Variants in CWF19L1 observed in about 807,000 individuals in gnomAD.
The protein encoded by CWF19L1 is CWF19-like protein 1.
A neutral mutation model predicts 69.7 loss-of-function variants in CWF19L1; 60 were observed. The observed-to-expected ratio is 0.86, with a 90% confidence interval of 0.70 to 1.07. The LOEUF (loss-of-function observed/expected upper bound fraction) is 1.07. Ranked by LOEUF, CWF19L1 falls within the 50% of genes least tolerant of loss-of-function variation. CWF19L1 has a pLI of 0.00. For synonymous variants in CWF19L1, 209 were observed against 222.2 expected (o/e 0.94, Z 0.53); for missense variants, 591 against 638.9 (o/e 0.92, Z 0.81).
chr10:100,246,752 A>G lies in CWF19L1; in HGVS notation c.849+43T>C. The G allele has an allele frequency of 3.2e-6, 5 of 1,565,808 alleles. No individual in the cohort carries two copies. In the East Asian group the frequency reaches 1.1e-4, roughly 36 times the overall value. On this transcript the variant is annotated intron_variant, in intron 8 of 13. Coordinates refer to ENST00000354105, the MANE Select transcript of CWF19L1 (RefSeq NM_018294.6). Reference sequence around the variant, plus strand: ...TCTTATGTACTAAACTATAACTAGGAAAAGAACACATATAAAAATGCCAAC... The same window carrying G: ...TCTTATGTACTAAACTATAACTAGGGAAAGAACACATATAAAAATGCCAAC...
At chr10:100,236,529 C>T (rs7905395) in intron 12 of CWF19L1, among the ~76,000 whole-genome samples, 77,573 of 151,658 alleles carry the variant, frequency 0.51, 20,629 homozygotes, top group African/African-American at 0.65. Flanking sequence ...GTAATACCTT[C>T]GGGAGGCCAA....
intron 6 of CWF19L1, among the ~76,000 whole-genome samples, chr10:100,252,321 G>A (rs76995884): frequency 0.075 from 11,385 of 152,026 alleles, 577 homozygotes; most frequent in African/African-American, 0.14. Flanking sequence ...TGTAGTCCCA[G>A]CTACTCAGGA....
rs139716379 is a variant in CWF19L1, at chr10:100,239,401, G to A, written c.1045-1170C>T. Among the ~76,000 whole-genome samples, 40 of 152,300 alleles carry A rather than the reference G, an allele frequency of 2.6e-4. 1 individual carries two copies. In the East Asian group the frequency reaches 7.7e-3, roughly 29 times the overall value. Reference sequence around the variant, plus strand: ...CATGACTGTAATCCCAGCACTTTGGGAGGCCAAGGCAAATGGATCGCGAGG... The same window carrying A: ...CATGACTGTAATCCCAGCACTTTGGAAGGCCAAGGCAAATGGATCGCGAGG... On this transcript the variant is annotated intron_variant, in intron 10 of 13. Transcript: ENST00000354105.
intron 7 of CWF19L1, chr10:100,248,166 T>C (rs994774493): frequency 5.0e-6 from 3 of 597,324 alleles, no homozygotes; most frequent in Non-Finnish European, 9.1e-6. Context: ...AATCTACATT[T>C]GCTAAGAATT....
At chr10:100,234,257 A>AT (rs2134270086) in intron 13 of CWF19L1, among the ~76,000 whole-genome samples, 1 of 152,350 alleles carries the variant, frequency 6.6e-6, no homozygotes, top group South Asian at 2.1e-4. Context: ...TTTCAAATAT[A>AT]AAAGGAAAAT....
chr10:100,261,476 A>C (rs551928533), intron 2 of CWF19L1, among the ~76,000 whole-genome samples: 2 of 152,260 alleles, frequency 1.3e-5, no homozygotes, highest in Non-Finnish European at 2.9e-5. Flanking sequence ...GGTATAAAAA[A>C]CACATTTCCT....
intron 6 of CWF19L1, among the ~76,000 whole-genome samples, chr10:100,252,473 C>T (rs569239083): frequency 2.2e-4 from 33 of 151,618 alleles, no homozygotes; most frequent in Admixed American, 1.6e-3. Flanking sequence ...TACTATGCTA[C>T]TATGTACCCC....
intron 3 of CWF19L1, 136 bp from the exon 4 acceptor site, chr10:100,260,455 C>T (rs552734551): frequency 4.7e-5 from 26 of 553,468 alleles, no homozygotes; most frequent in East Asian, 3.7e-4. Context: ...TTTAGCAATC[C>T]TAAATGTGGA....
At chr10:100,245,261 T>C (rs1479222929) in intron 9 of CWF19L1, among the ~76,000 whole-genome samples, 1 of 152,106 alleles carries the variant, frequency 6.6e-6, no homozygotes, top group Non-Finnish European at 1.5e-5. Flanking sequence ...GAACTTGTGA[T>C]CCGCCTGGCT....
At chr10:100,234,926 A>C (rs1321096792) in intron 13 of CWF19L1, among the ~76,000 whole-genome samples, 1 of 152,210 alleles carries the variant, frequency 6.6e-6, no homozygotes, top group African/African-American at 2.4e-5. Flanking sequence ...TTGAGGTCCA[A>C]CAGGCCTGGG....
At chr10:100,264,751 G>C (rs1038733288) in intron 1 of CWF19L1, among the ~76,000 whole-genome samples, 1 of 152,060 alleles carries the variant, frequency 6.6e-6, no homozygotes, top group African/African-American at 2.4e-5. Context: ...ACAAGATATG[G>C]AGGTGAACAG....
At chr10:100,264,824 A>C (rs1423350844) in intron 1 of CWF19L1, among the ~76,000 whole-genome samples, 1 of 151,814 alleles carries the variant, frequency 6.6e-6, no homozygotes, top group African/African-American at 2.4e-5. Context: ...TTAGTTTGCA[A>C]CAAAACAAGT....
Position 100,238,121 on chromosome 10 carries a change from C to T in CWF19L1, c.1155G>A (p.Val385=). 6.2e-7 allele frequency: 1 copy of T among 1,614,146 alleles called. No individual in the cohort carries two copies. Among genetic ancestry groups the T allele is most frequent in the Non-Finnish European group, 8.5e-7 (1 of 1,180,026 alleles). The change falls in exon 11 of 14, where the codon GTG becomes GTA. Residue 385 remains valine, a synonymous_variant. Coordinates refer to ENST00000354105, the MANE Select transcript of CWF19L1 (RefSeq NM_018294.6). ...GTCTCAGAGTGGCCTTATACTTCTC[C>T]ACCTCTTCTACCACCTCTGCTGAAA... ...VELSAEVVEE[V]EKYKATLRRF...
At chr10:100,264,288 G>A (rs1436326045) in intron 1 of CWF19L1, among the ~76,000 whole-genome samples, 1 of 152,228 alleles carries the variant, frequency 6.6e-6, no homozygotes, top group East Asian at 1.9e-4. Flanking sequence ...GCTTACGCCT[G>A]TAATCCCAGC....
intron 6 of CWF19L1, among the ~76,000 whole-genome samples, chr10:100,250,940 CTT>C (rs1352124877): frequency 1.4e-5 from 2 of 145,960 alleles, no homozygotes; most frequent in Non-Finnish European, 3.0e-5. Context: ...AGAATGAGAT[CTT>C]GTCTCAAAAA....
chr10:100,245,888 A>C lies in CWF19L1; in HGVS notation c.875T>G (p.Phe292Cys), dbSNP rs1396396028. ...CCTTCCCTGCTTTTCATTTAAATCA[A>C]AGAAAAACTGACAGGCTGATTCTTC... ...PVEESACQFFFDLNEKQGRKR... is the reference protein window; with the variant it reads ...PVEESACQFFCDLNEKQGRKR... The change falls in exon 9 of 14, where the codon TTT (phenylalanine) becomes TGT (cysteine). Residue 292 changes from phenylalanine (F) to cysteine (C), a missense_variant. Coordinates refer to ENST00000354105, the MANE Select transcript of CWF19L1 (RefSeq NM_018294.6). 1.9e-6 allele frequency: 3 copies of C among 1,613,996 alleles called. No homozygotes were observed. The African/African-American group carries it at 4.0e-5, about 22-fold the overall frequency.
At chr10:100,245,705 C>A in intron 9 of CWF19L1, 94 bp downstream of exon 9, 1 of 875,184 alleles carries the variant, frequency 1.1e-6, no homozygotes, top group Non-Finnish European at 1.9e-6. Context: ...TCTCCCCTGC[C>A]AGAAGAGGCT....
intron 1 of CWF19L1, among the ~76,000 whole-genome samples, chr10:100,265,025 G>A (rs1365052804): frequency 6.6e-6 from 1 of 151,922 alleles, no homozygotes; most frequent in Non-Finnish European, 1.5e-5. Context: ...GGAGGCTGAA[G>A]TGGGAGAATC....
chr10:100,257,110 A>G (rs992660312), intron 4 of CWF19L1, among the ~76,000 whole-genome samples: 1 of 152,126 alleles, frequency 6.6e-6, no homozygotes, highest in Non-Finnish European at 1.5e-5. Flanking sequence ...GTTGCCTTCA[A>G]GACCTTGCTC....
Sources: gnomAD v4.1 joint callset for allele counts (sites outside exome capture counted in the v4.1 genomes callset) on GRCh38, gnomAD v4.1.1 for gene constraint, MANE v1.5 for transcripts, NCBI Gene and HGNC (gene_info 2026-07-23, HGNC 2026-07-21) for gene names.